Variants in PDGFC observed in about 807,000 individuals in gnomAD.
PDGFC encodes platelet derived growth factor C.
Under a neutral mutation model 35.5 loss-of-function variants are expected in PDGFC, and 12 were observed. The ratio of observed to expected loss-of-function variants is 0.34; its 90% CI spans 0.22 to 0.55. PDGFC has a LOEUF of 0.55. PDGFC is among the 20% of genes least tolerant of loss of function. The probability of loss-of-function intolerance (pLI) is 0.91; values close to 1 mark genes in which losing one functional copy is unlikely to be tolerated. For synonymous variants in PDGFC, 159 were observed against 148.8 expected (o/e 1.07, Z -0.50); for missense variants, 322 against 412.4 (o/e 0.78, Z 1.90).
chr4:156,913,354 T>C (rs1209191602), intron 1 of PDGFC, among the ~76,000 whole-genome samples: 1 of 151,864 alleles, frequency 6.6e-6, no homozygotes, highest in Non-Finnish European at 1.5e-5. Context: ...CAAGAAATAT[T>C]TTAAAAAGAA....
intron 1 of PDGFC, among the ~76,000 whole-genome samples, chr4:156,903,104 A>AGTGT (rs10684023): frequency 0.099 from 12,924 of 130,632 alleles, 714 homozygotes; most frequent in African/African-American, 0.15. Context: ...AGAGAGAGAG[A>AGTGT]GTGTGTGTGT....
chr4:156,812,542 T>G (rs1208402004), intron 2 of PDGFC, among the ~76,000 whole-genome samples: 1 of 152,098 alleles, frequency 6.6e-6, no homozygotes, highest in Non-Finnish European at 1.5e-5. Context: ...TTTTCAAAAT[T>G]TTAAATTCAG....
rs545124824 is a variant in PDGFC at position 156,942,101 on chromosome 4, T to C, written c.118+28685A>G. Among the ~76,000 whole-genome samples, 52 of 151,954 alleles carry C rather than the reference T, an allele frequency of 3.4e-4. 1 individual carries two copies. Among genetic ancestry groups the C allele is most frequent in the Admixed American group, 9.2e-4 (14 of 15,250 alleles). On this transcript the variant is annotated intron_variant, in intron 1 of 5. Transcript: ENST00000502773. ...TGAGCACGTAGCCCTGTGGTCTGCC[T>C]AAAGACGAGAGGGAAAACCCCTTGT... is the stretch of plus-strand genomic sequence containing the variant.
At chr4:156,793,228 T>C (rs1021372649) in intron 3 of PDGFC, among the ~76,000 whole-genome samples, 2 of 152,132 alleles carry the variant, frequency 1.3e-5, no homozygotes, top group Non-Finnish European at 2.9e-5. Flanking sequence ...CCATTTTAGA[T>C]GTAGCAGGTT....
chr4:156,957,306 T>C (rs1732236225), intron 1 of PDGFC, among the ~76,000 whole-genome samples: 1 of 152,014 alleles, frequency 6.6e-6, no homozygotes, highest in African/African-American at 2.4e-5. Context: ...TCCTTCTCTC[T>C]TAAAAACGTG....
chr4:156,924,609 G>A (rs1340855480), intron 1 of PDGFC, among the ~76,000 whole-genome samples: 1 of 152,262 alleles, frequency 6.6e-6, no homozygotes, highest in East Asian at 1.9e-4. Flanking sequence ...AAGTTTATTA[G>A]GGAGGGGGAA....
At chr4:156,896,844 A>G (rs1730644222) in intron 1 of PDGFC, among the ~76,000 whole-genome samples, 1 of 152,186 alleles carries the variant, frequency 6.6e-6, no homozygotes. Context: ...TGGAAGCTAA[A>G]TATCACTAAG....
intron 1 of PDGFC, among the ~76,000 whole-genome samples, chr4:156,944,696 G>A (rs1459122934): frequency 6.6e-6 from 1 of 152,134 alleles, no homozygotes; most frequent in African/African-American, 2.4e-5. Context: ...CAGTCCGCCA[G>A]CAAATACCAA....
chr4:156,839,365 C>CT (rs1729143493), intron 2 of PDGFC, among the ~76,000 whole-genome samples: 1 of 152,144 alleles, frequency 6.6e-6, no homozygotes, highest in Non-Finnish European at 1.5e-5. Context: ...GCTTTTTCCC[C>CT]TTTTGCTAGG....
In PDGFC at chr4:156,772,834, C is replaced by T; in HGVS notation, c.555G>A (p.Leu185=). The change falls in exon 4 of 6, where the codon CTG becomes CTA. Residue 185 remains leucine (L), a synonymous_variant. Coordinates refer to ENST00000502773, the MANE Select transcript of PDGFC (RefSeq NM_016205.3). ...TAAAGGCAGTTATAGCATTATTAAG[C>T]AGGTCCAGTGGCAAAGCTGAAGGGG... ...VLPPSALPLD[L]LNNAITAFST... The T allele has an allele frequency of 6.2e-7, 1 of 1,613,346 alleles. No individual in the cohort carries two copies. The highest frequency in any genetic ancestry group is 8.5e-7 in the Non-Finnish European group (1 of 1,179,390).
At chr4:156,948,867 C>A (rs951650489) in intron 1 of PDGFC, among the ~76,000 whole-genome samples, 1 of 151,856 alleles carries the variant, frequency 6.6e-6, no homozygotes, top group African/African-American at 2.4e-5. Context: ...TCTGTGGAGG[C>A]AGCATTTTGA....
rs1578996389 is a variant in PDGFC, at chr4:156,768,121, T to C, written c.704-131A>G. ...CAATATCCATAACAATATCCGCTCT[T>C]ATTGTAAGTAGATTTTAGAGATATA... On this transcript the variant is annotated intron_variant, in intron 4 of 5. Coordinates refer to ENST00000502773, the MANE Select transcript of PDGFC (RefSeq NM_016205.3). 7.7e-6 allele frequency: 5 copies of C among 648,936 alleles called. No homozygotes were observed. The East Asian group carries it at 1.3e-4, about 17-fold the overall frequency. 40.2% of individuals were successfully genotyped at this position (648,936 alleles called of 1,614,324 possible).
chr4:156,884,214 C>T (rs2111178148), intron 1 of PDGFC, among the ~76,000 whole-genome samples: 1 of 152,270 alleles, frequency 6.6e-6, no homozygotes, highest in African/African-American at 2.4e-5. Context: ...TATCTTCTTA[C>T]CTGACTTCCT....
At chr4:156,866,167 T>C (rs1338110076) in intron 1 of PDGFC, among the ~76,000 whole-genome samples, 1 of 152,126 alleles carries the variant, frequency 6.6e-6, no homozygotes, top group Admixed American at 6.5e-5. Context: ...CCATGTGTTC[T>C]CATTGTTCAA....
chr4:156,907,026 TAAAC>T (rs1265370601), intron 1 of PDGFC, among the ~76,000 whole-genome samples: 2 of 152,310 alleles, frequency 1.3e-5, no homozygotes, highest in East Asian at 1.9e-4. Flanking sequence ...TTTTGTCTAA[TAAAC>T]AAATAACAAT....
At chr4:156,891,470 G>A (rs972658976) in intron 1 of PDGFC, among the ~76,000 whole-genome samples, 4 of 152,082 alleles carry the variant, frequency 2.6e-5, no homozygotes, top group African/African-American at 9.7e-5. Context: ...TTTACAAAGT[G>A]TTTCAGGAGA....
At chr4:156,893,404 A>C (rs914665581) in intron 1 of PDGFC, among the ~76,000 whole-genome samples, 2 of 151,990 alleles carry the variant, frequency 1.3e-5, no homozygotes, top group African/African-American at 4.8e-5. Flanking sequence ...GCAATCACAC[A>C]CTGCAGCCTC....
chr4:156,788,805 T>C (rs1477253835), intron 3 of PDGFC, among the ~76,000 whole-genome samples: 2 of 152,226 alleles, frequency 1.3e-5, no homozygotes, highest in African/African-American at 2.4e-5. Flanking sequence ...GCTAAATGTC[T>C]TCCTTATTCA....
rs73856772 is a variant in PDGFC, at chr4:156,875,580, G to C, written c.119-25164C>G. Among the ~76,000 whole-genome samples, 1,177 of 152,202 alleles carry C rather than the reference G, an allele frequency of 7.7e-3. 9 individuals carry two copies. The highest frequency in any genetic ancestry group is 0.027 in the African/African-American group (1,103 of 41,522). On this transcript the variant is annotated intron_variant, in intron 1 of 5. Transcript: ENST00000502773. ...AAAAAAATGCTGCAGCACAAGAAAA[G>C]GTAATTTTGTCCCGACATATCGGAA...
Sources: allele counts gnomAD v4.1 joint callset (sites outside exome capture counted in the v4.1 genomes callset), GRCh38; gene constraint gnomAD v4.1.1; transcripts MANE v1.5; gene names NCBI Gene and HGNC (gene_info 2026-07-23, HGNC 2026-07-21).